The following CLSTN2 variants were observed in gnomAD, a reference collection of about 807,000 sequenced individuals.
The protein encoded by CLSTN2 is calsyntenin-2.
Under a neutral mutation model 101.2 loss-of-function variants are expected in CLSTN2, and 48 were observed. The ratio of observed to expected loss-of-function variants is 0.47; its 90% CI spans 0.38 to 0.60. The LOEUF (loss-of-function observed/expected upper bound fraction) is 0.60, where lower values mean the gene tolerates loss of function less well. Among genes scored for constraint, CLSTN2 ranks in the 20% least tolerant of loss-of-function variants. CLSTN2 has a pLI of 0.00. For synonymous variants in CLSTN2, 481 were observed against 463.6 expected, an observed-to-expected ratio of 1.04 and a Z score of -0.48; for missense variants, 1,160 against 1,238.2, an observed-to-expected ratio of 0.94 and a Z score of 0.95.
chr3:140,517,737 G>A (rs1456014206), intron 8 of CLSTN2, among the ~76,000 whole-genome samples: 1 of 152,158 alleles, frequency 6.6e-6, no homozygotes, highest in African/African-American at 2.4e-5. Flanking sequence ...GAATCAGGTG[G>A]ACTCTGTTAG....
intron 2 of CLSTN2, among the ~76,000 whole-genome samples, chr3:140,277,796 T>C (rs1369084461): frequency 1.3e-5 from 2 of 152,184 alleles, no homozygotes; most frequent in African/African-American, 2.4e-5. Context: ...GTCTTATTAT[T>C]CACCTCAAAG....
At chr3:140,061,315 A>C (rs983261807) in intron 1 of CLSTN2, among the ~76,000 whole-genome samples, 10 of 152,222 alleles carry the variant, frequency 6.6e-5, no homozygotes, top group Admixed American at 6.5e-4. Context: ...ACATAAGTCC[A>C]TTTAGACCCC....
intron 1 of CLSTN2, among the ~76,000 whole-genome samples, chr3:140,171,842 A>T (rs1346159076): frequency 2.1e-5 from 2 of 94,708 alleles, no homozygotes; most frequent in Admixed American, 1.3e-4. Flanking sequence ...ACAATATATA[A>T]TATAATATAT....
intron 2 of CLSTN2, among the ~76,000 whole-genome samples, chr3:140,210,858 A>T (rs939951456): frequency 6.6e-6 from 1 of 151,978 alleles, no homozygotes; most frequent in Non-Finnish European, 1.5e-5. Flanking sequence ...AGTAACAAGC[A>T]CCTAAATAGC....
At chr3:139,979,065 A>G (rs1283668111) in intron 1 of CLSTN2, among the ~76,000 whole-genome samples, 1 of 152,150 alleles carries the variant, frequency 6.6e-6, no homozygotes, top group Non-Finnish European at 1.5e-5. Context: ...TACATGCCCC[A>G]GAATGTGCGC....
At chr3:140,540,008 G>A (rs1300263276) in intron 9 of CLSTN2, among the ~76,000 whole-genome samples, 1 of 152,184 alleles carries the variant, frequency 6.6e-6, no homozygotes, top group East Asian at 1.9e-4. Flanking sequence ...AGTAGGGGGA[G>A]GGGTGAATTT....
At chr3:140,559,626 CTTTTGTTA>C (rs1935870262) in intron 12 of CLSTN2, among the ~76,000 whole-genome samples, 1 of 151,822 alleles carries the variant, frequency 6.6e-6, no homozygotes, top group Non-Finnish European at 1.5e-5. Context: ...GAAAACCTCC[CTTTTGTTA>C]CTCCGAGGGA....
intron 1 of CLSTN2, among the ~76,000 whole-genome samples, chr3:140,114,924 A>G (rs1403159293): frequency 2.0e-5 from 3 of 152,090 alleles, no homozygotes; most frequent in Non-Finnish European, 4.4e-5. Context: ...GGACACTCTC[A>G]GTGACAGCCA....
intron 4 of CLSTN2, among the ~76,000 whole-genome samples, chr3:140,407,889 G>A (rs1044094272): frequency 1.3e-5 from 2 of 152,130 alleles, no homozygotes; most frequent in Admixed American, 6.5e-5. Context: ...CCATCAGATC[G>A]CACCTCCTTG....
rs143137638 is a variant in CLSTN2 at position 140,488,166 on chromosome 3, G to A, written c.1344+21435G>A. Among the ~76,000 whole-genome samples the A allele has an allele frequency of 3.5e-3, 539 of 152,264 alleles. 2 individuals carry two copies. Among genetic ancestry groups the A allele is most frequent in the African/African-American group, 0.013 (522 of 41,564 alleles). ...GAGTTTGAGTGTAGAACAAGGCTGT[G>A]TCTACACTGTGCCCCATGAAGTACA... On this transcript the variant is annotated intron_variant, in intron 8 of 16. Coordinates refer to ENST00000458420, the MANE Select transcript of CLSTN2 (RefSeq NM_022131.3).
chr3:140,123,176 G>A, intron 1 of CLSTN2, among the ~76,000 whole-genome samples: 1 of 112,324 alleles, frequency 8.9e-6, no homozygotes, highest in Non-Finnish European at 1.8e-5. Flanking sequence ...CGGGGGGGTG[G>A]GGGGCGGGAC....
At chr3:140,552,183 T>C (rs952227585) in intron 10 of CLSTN2, among the ~76,000 whole-genome samples, 1 of 152,102 alleles carries the variant, frequency 6.6e-6, no homozygotes, top group Non-Finnish European at 1.5e-5. Context: ...GAGAAGTCTC[T>C]AATAAGAAGA....
chr3:140,210,918 G>A (rs540257210), intron 2 of CLSTN2, among the ~76,000 whole-genome samples: 1 of 152,212 alleles, frequency 6.6e-6, no homozygotes, highest in African/African-American at 2.4e-5. Context: ...AGGAAGCTTT[G>A]GGTCTTCGAT....
chr3:139,983,139 C>T (rs1361359633), intron 1 of CLSTN2, among the ~76,000 whole-genome samples: 7 of 151,644 alleles, frequency 4.6e-5, no homozygotes, highest in Admixed American at 4.6e-4. Context: ...TATTTTTTGT[C>T]TACTATTACT....
intron 2 of CLSTN2, among the ~76,000 whole-genome samples, chr3:140,324,684 G>A (rs2087314701): frequency 6.6e-6 from 1 of 152,184 alleles, no homozygotes; most frequent in African/African-American, 2.4e-5. Flanking sequence ...TGCAGAGAAT[G>A]CCCTCTTGAC....
At chr3:140,481,336 T>A (rs1576591524) in intron 8 of CLSTN2, among the ~76,000 whole-genome samples, 1 of 151,318 alleles carries the variant, frequency 6.6e-6, no homozygotes, top group South Asian at 2.1e-4. Flanking sequence ...ACCATGCTAT[T>A]TTGGTTACTG....
rs531285639 is a variant in CLSTN2, at chr3:140,566,035, T to A, written c.2668-18T>A. 6.2e-7 allele frequency: 1 copy of A among 1,613,990 alleles called. No individual in the cohort carries two copies. The highest frequency in any genetic ancestry group is 1.3e-5 in the African/African-American group (1 of 75,048). On this transcript the variant is annotated intron_variant, in intron 16 of 16. Transcript: ENST00000458420. ...TTCAGCCCCTGATGAGCATTTGCTTTTTCTCCTTGATATCCAGAAACATGA... is the reference window on the plus strand; with the variant it reads ...TTCAGCCCCTGATGAGCATTTGCTTATTCTCCTTGATATCCAGAAACATGA...
intron 2 of CLSTN2, among the ~76,000 whole-genome samples, chr3:140,217,258 T>TTA (rs5852972): frequency 0.94 from 142,829 of 152,124 alleles, 67,711 homozygotes; most frequent in East Asian, 1. Flanking sequence ...AAAGCACAGG[T>TTA]TTATTTCACT....
rs35645750 is a variant in CLSTN2, at chr3:140,076,625, G to GTTTTTTTTTTTTTTTT, written c.110-99313_110-99298dup. On this transcript the variant is annotated intron_variant, in intron 1 of 16. Transcript: ENST00000458420. Reference sequence around the variant, plus strand: ...CAATGACTCCCCTCTCACCAGCAGTGTTTTTTTTTTTTTTTTTTTTTTTTT... The same window carrying GTTTTTTTTTTTTTTTT: ...CAATGACTCCCCTCTCACCAGCAGTGTTTTTTTTTTTTTTTTTTTTTTTTTTTTTTTTTTTTTTTTT... 6.0e-4 allele frequency among the ~76,000 whole-genome samples: 23 copies of GTTTTTTTTTTTTTTTT among 38,070 alleles called. 4 individuals carry two copies. The highest frequency in any genetic ancestry group is 2.6e-3 in the African/African-American group (23 of 8,918). The allele number at this position is 38,070 out of a possible 152,430, so 25.0% of individuals were successfully genotyped here. A position where few individuals can be genotyped will look rare whatever the true frequency, so the allele number is the denominator to read the frequency against.
Sources: allele counts gnomAD v4.1 joint callset (sites outside exome capture counted in the v4.1 genomes callset), GRCh38; gene constraint gnomAD v4.1.1; transcripts MANE v1.5; gene names NCBI Gene and HGNC (gene_info 2026-07-23, HGNC 2026-07-21).